Variants in SVIL observed in about 807,000 individuals in gnomAD.
The protein encoded by SVIL is archvillin.
In SVIL, 101 loss-of-function variants were observed where a neutral mutation model predicts 240.4. The observed-to-expected ratio is 0.42, with a 90% CI of 0.36 to 0.50. The LOEUF (loss-of-function observed/expected upper bound fraction) is 0.50. SVIL is among the 20% of genes least tolerant of loss of function. The probability of loss-of-function intolerance (pLI) is 0.01; values close to 1 mark genes in which losing one functional copy is unlikely to be tolerated. For synonymous variants in SVIL, 999 were observed against 1,100.0 expected (o/e 0.91, Z 1.82); for missense variants, 2,512 against 2,818.7 (o/e 0.89, Z 2.46).
chr10:29,578,384 T>C (rs1955794256), intron 1 of SVIL, among the ~76,000 whole-genome samples: 1 of 151,988 alleles, frequency 6.6e-6, no homozygotes, highest in South Asian at 2.1e-4. Flanking sequence ...CAGGAGAAAA[T>C]CCTGGCATGA....
intron 2 of SVIL, among the ~76,000 whole-genome samples, chr10:29,666,695 G>A (rs1451232321): frequency 6.6e-6 from 1 of 152,138 alleles, no homozygotes; most frequent in Non-Finnish European, 1.5e-5. Context: ...AAGAAACTCC[G>A]GCAATAGTGA....
intron 12 of SVIL, among the ~76,000 whole-genome samples, chr10:29,529,194 A>G (rs56290596): frequency 3.9e-4 from 50 of 127,762 alleles, no homozygotes; most frequent in African/African-American, 4.7e-4. Flanking sequence ...AAAAAAAAAA[A>G]AAAAAAAAAG....
chr10:29,668,724 T>G (rs565098276), intron 2 of SVIL, among the ~76,000 whole-genome samples: 3 of 152,340 alleles, frequency 2.0e-5, no homozygotes, highest in Non-Finnish European at 2.9e-5. Flanking sequence ...TCCACCCACC[T>G]TGGCCTCCCT....
intron 14 of SVIL, 41 bp from the exon 15 acceptor site, chr10:29,524,068 A>G: frequency 1.3e-6 from 2 of 1,524,818 alleles, no homozygotes; most frequent in Non-Finnish European, 1.8e-6. Flanking sequence ...TGCTTGAAAA[A>G]TATCATCTAT....
intron 17 of SVIL, among the ~76,000 whole-genome samples, chr10:29,509,357 G>GAGAGAGAGAGAGAA (rs1949643566): frequency 3.2e-5 from 3 of 94,236 alleles, no homozygotes; most frequent in Non-Finnish European, 7.5e-5. Flanking sequence ...GAGAGAGAGA[G>GAGAGAGAGAGAGAA]AGAGAGAGAG....
In SVIL at chr10:29,579,209, G is replaced by A. The variant is rs370092328; in HGVS notation, c.-200-9897C>T. ...TCCCAGCACTTTGGGAGGCCGAGGC[G>A]GGCGGATCATGAGGTCAGGAGATCG... is the stretch of plus-strand genomic sequence containing the variant. On this transcript the variant is annotated intron_variant, in intron 1 of 37. Coordinates refer to ENST00000355867, the MANE Select transcript of SVIL (RefSeq NM_021738.3). 5.3e-4 allele frequency among the ~76,000 whole-genome samples: 80 copies of A among 152,122 alleles called. 1 individual carries two copies. Among genetic ancestry groups the A allele is most frequent in the African/African-American group, 1.5e-3 (62 of 41,466 alleles).
At chr10:29,591,287 C>T (rs1283116772) in intron 1 of SVIL, among the ~76,000 whole-genome samples, 4 of 152,206 alleles carry the variant, frequency 2.6e-5, no homozygotes, top group African/African-American at 9.6e-5. Context: ...TCACCTTGAC[C>T]TCCCAGGCAG....
At chr10:29,591,653 A>G (rs986996509) in intron 1 of SVIL, among the ~76,000 whole-genome samples, 1 of 152,204 alleles carries the variant, frequency 6.6e-6, no homozygotes, top group African/African-American at 2.4e-5. Flanking sequence ...CACCTTTTTA[A>G]AAAACTGACA....
At chr10:29,477,795 G>A (rs1362208143) in intron 29 of SVIL, among the ~76,000 whole-genome samples, 1 of 152,180 alleles carries the variant, frequency 6.6e-6, no homozygotes, top group African/African-American at 2.4e-5. Context: ...GATGTTGTTG[G>A]AGCTGGCTGT....
At chr10:29,694,167 G>A (rs894836771) in intron 1 of SVIL, among the ~76,000 whole-genome samples, 18 of 151,004 alleles carry the variant, frequency 1.2e-4, no homozygotes, top group African/African-American at 2.4e-4. Flanking sequence ...AGCCGAGGCC[G>A]GAGGATTGCT....
intron 1 of SVIL, among the ~76,000 whole-genome samples, chr10:29,626,892 C>T (rs371371668): frequency 1.1e-4 from 17 of 152,052 alleles, no homozygotes; most frequent in African/African-American, 3.9e-4. Context: ...GGCGTGGTGG[C>T]GGGCGCCTGT....
At chr10:29,681,133 C>T (rs1960610604) in intron 2 of SVIL, among the ~76,000 whole-genome samples, 1 of 151,872 alleles carries the variant, frequency 6.6e-6, no homozygotes, top group Non-Finnish European at 1.5e-5. Flanking sequence ...TTGTAATTGG[C>T]ATGGTAGGGA....
chr10:29,695,386 C>A (rs893864883), intron 1 of SVIL, among the ~76,000 whole-genome samples: 1 of 152,160 alleles, frequency 6.6e-6, no homozygotes, highest in African/African-American at 2.4e-5. Context: ...CTGACTTCAC[C>A]ACTACACAAT....
intron 1 of SVIL, among the ~76,000 whole-genome samples, chr10:29,688,592 T>C (rs1055345471): frequency 6.6e-6 from 1 of 152,206 alleles, no homozygotes. Context: ...TTTACAGCAG[T>C]GGCAAAAGTC....
chr10:29,460,036 G>A (rs61839347), intron 36 of SVIL, among the ~76,000 whole-genome samples: 11,707 of 152,166 alleles, frequency 0.077, 586 homozygotes, highest in Admixed American at 0.15. Flanking sequence ...AGGTTTGTGT[G>A]AGCCATGATT....
chr10:29,556,431 T>TAC (rs1360716827), intron 3 of SVIL, among the ~76,000 whole-genome samples: 1 of 152,028 alleles, frequency 6.6e-6, no homozygotes, highest in East Asian at 1.9e-4. Flanking sequence ...GAGTCAAAAC[T>TAC]ACACACACAC....
intron 3 of SVIL, among the ~76,000 whole-genome samples, chr10:29,560,351 G>A (rs752027614): frequency 1.3e-5 from 2 of 152,154 alleles, no homozygotes; most frequent in Non-Finnish European, 2.9e-5. Flanking sequence ...CAACGTAATC[G>A]CATACTTTAA....
At chr10:29,460,015 C>A (rs1273110970) in intron 36 of SVIL, among the ~76,000 whole-genome samples, 1 of 151,932 alleles carries the variant, frequency 6.6e-6, no homozygotes, top group Non-Finnish European at 1.5e-5. Flanking sequence ...TCGTTTGAGC[C>A]CAGGGGTTCA....
At chr10:29,649,610 T>C (rs779825613) in intron 3 of SVIL, among the ~76,000 whole-genome samples, 51 of 152,232 alleles carry the variant, frequency 3.4e-4, no homozygotes, top group Admixed American at 9.2e-4. Context: ...TTCAAAAAAA[T>C]TGAAGCTCAA....
Sources: allele counts gnomAD v4.1 joint callset (sites outside exome capture counted in the v4.1 genomes callset), GRCh38; gene constraint gnomAD v4.1.1; transcripts MANE v1.5; gene names NCBI Gene and HGNC (gene_info 2026-07-23, HGNC 2026-07-21).